NUMB: variants seen among roughly 807,000 people sequenced by gnomAD.
NUMB encodes the protein NUMB endocytic adaptor protein.
In NUMB, 29 loss-of-function variants were observed where a neutral mutation model predicts 59.7. That is an observed-to-expected ratio of 0.49 (90% CI 0.36 to 0.66). The LOEUF (loss-of-function observed/expected upper bound fraction) is 0.66, where lower values mean the gene tolerates loss of function less well. Among genes scored for constraint, NUMB ranks in the 30% least tolerant of loss-of-function variants. The pLI, the probability that NUMB is intolerant of heterozygous loss-of-function variation, is 0.00. For missense variants in NUMB, 723 were observed against 822.0 expected, an observed-to-expected ratio of 0.88 and a Z score of 1.47; for synonymous variants, 288 against 288.2, an observed-to-expected ratio of 1.00 and a Z score of 0.01.
chr14:73,372,741 C>A (rs756054131), intron 2 of NUMB, among the ~76,000 whole-genome samples: 4 of 151,970 alleles, frequency 2.6e-5, no homozygotes, highest in Non-Finnish European at 5.9e-5. Context: ...AGCCTAGAAA[C>A]TAGGATTCAC....
At chr14:73,388,355 A>G (rs1032749628) in intron 2 of NUMB, among the ~76,000 whole-genome samples, 1 of 152,216 alleles carries the variant, frequency 6.6e-6, no homozygotes, top group Non-Finnish European at 1.5e-5. Flanking sequence ...AAAATTCTGG[A>G]AAACCTTTCC....
chr14:73,279,362 C>G lies in NUMB; in HGVS notation c.1159G>C (p.Val387Leu). Reference protein sequence around the residue: ...AKPAHTALAPVAMPVRETNPW... With the variant: ...AKPAHTALAPLAMPVRETNPW... Reference sequence around the variant, plus strand: ...TTGGTTTCACGCACAGGCATTGCTACGGGTGCTAGAGCAGTATGGGCTGGC... The same window carrying G: ...TTGGTTTCACGCACAGGCATTGCTAGGGGTGCTAGAGCAGTATGGGCTGGC... The change falls in exon 12 of 13, where the codon GTA becomes CTA. Residue 387 changes from valine (V) to leucine (L), a missense_variant. Val to Leu is a conservative substitution (Grantham distance 32). Coordinates refer to ENST00000555238, the MANE Select transcript of NUMB (RefSeq NM_001005743.2). 1 of 1,612,650 alleles carries G rather than the reference C, an allele frequency of 6.2e-7. No individual in the cohort carries two copies. Among genetic ancestry groups the G allele is most frequent in the Non-Finnish European group, 8.5e-7 (1 of 1,179,250 alleles).
At position 73,346,278 on chromosome 14, in the gene NUMB, G is replaced by A. The variant is rs191567573; in HGVS notation, c.126+9348C>T. Among the ~76,000 whole-genome samples the A allele has an allele frequency of 1.5e-3, 227 of 152,116 alleles. 1 individual carries two copies. Among genetic ancestry groups the A allele is most frequent in the South Asian group, 0.011 (52 of 4,822 alleles). On this transcript the variant is annotated intron_variant, in intron 4 of 12. Coordinates refer to ENST00000555238, the MANE Select transcript of NUMB (RefSeq NM_001005743.2). ...GCGGATCACCTGAGGTCGGGAGTTC[G>A]AGACCAGCTTGACCAACATGGAGAA...
In NUMB at chr14:73,343,962, G is replaced by T. The variant is rs527921933; in HGVS notation, c.126+11664C>A. 2.6e-5 allele frequency among the ~76,000 whole-genome samples: 4 copies of T among 151,992 alleles called. No homozygotes were observed. The East Asian group carries it at 7.7e-4, about 29-fold the overall frequency. The stretch of plus-strand genomic sequence containing the variant: ...CCTGGTGCCTATGTTAGGGGTTGGG[G>T]GTTGCCTAAGTTGGGGATAGAAGAT... On this transcript the variant is annotated intron_variant, in intron 4 of 12. Transcript: ENST00000555238.
intron 4 of NUMB, among the ~76,000 whole-genome samples, chr14:73,333,071 T>C (rs1445324291): frequency 6.6e-6 from 1 of 152,240 alleles, no homozygotes; most frequent in Non-Finnish European, 1.5e-5. Context: ...TTGAAGTACC[T>C]GTTTTCAATT....
intron 11 of NUMB, among the ~76,000 whole-genome samples, chr14:73,280,301 C>T (rs1206476191): frequency 6.6e-6 from 1 of 152,028 alleles, no homozygotes; most frequent in Non-Finnish European, 1.5e-5. Context: ...TGGTATTATC[C>T]CCCTATTACA....
intron 2 of NUMB, among the ~76,000 whole-genome samples, chr14:73,401,716 C>G (rs1896427385): frequency 6.6e-6 from 1 of 151,644 alleles, no homozygotes; most frequent in Non-Finnish European, 1.5e-5. Context: ...ACCACAGGTG[C>G]CTGCCACCAC....
intron 11 of NUMB, among the ~76,000 whole-genome samples, chr14:73,279,648 A>C (rs2139795826): frequency 6.6e-6 from 1 of 152,356 alleles, no homozygotes; most frequent in Non-Finnish European, 1.5e-5. Context: ...GATAAAGTCA[A>C]ATAACTGTTC....
At chr14:73,374,449 A>G (rs542279789) in intron 2 of NUMB, among the ~76,000 whole-genome samples, 1 of 152,340 alleles carries the variant, frequency 6.6e-6, no homozygotes, top group Non-Finnish European at 1.5e-5. Flanking sequence ...AAAGAAAGAC[A>G]TAAAATATTT....
rs537476706 is a variant in NUMB at position 73,380,643 on chromosome 14, C to A, written c.-100-13662G>T. On this transcript the variant is annotated intron_variant, in intron 2 of 12. Coordinates refer to ENST00000555238, the MANE Select transcript of NUMB (RefSeq NM_001005743.2). Reference sequence around the variant, plus strand: ...GCCATGATCCCATAGATCTTAGGTACCCTGAAAGTAGAATTTGTGTTTTAT... The same window carrying A: ...GCCATGATCCCATAGATCTTAGGTAACCTGAAAGTAGAATTTGTGTTTTAT... 5.3e-5 allele frequency among the ~76,000 whole-genome samples: 8 copies of A among 151,898 alleles called. No homozygotes were observed. The South Asian group carries it at 1.0e-3, about 20-fold the overall frequency.
intron 3 of NUMB, among the ~76,000 whole-genome samples, chr14:73,359,312 C>T (rs1177359227): frequency 1.3e-5 from 2 of 152,172 alleles, no homozygotes; most frequent in Admixed American, 6.6e-5. Context: ...TGCCACTGCA[C>T]TCCAGCCTGG....
At chr14:73,398,392 C>CAGAGAGAGAGAGAGAG (rs1171734636) in intron 2 of NUMB, among the ~76,000 whole-genome samples, 1 of 133,754 alleles carries the variant, frequency 7.5e-6, no homozygotes, top group African/African-American at 2.9e-5. Flanking sequence ...GAGACACACA[C>CAGAGAGAGAGAGAGAG]AGAGAGAGAG....
intron 4 of NUMB, among the ~76,000 whole-genome samples, chr14:73,342,494 T>C (rs903635282): frequency 2.6e-5 from 4 of 152,162 alleles, no homozygotes; most frequent in African/African-American, 9.7e-5. Flanking sequence ...CTATCTGGGA[T>C]AAACAACAGA....
rs1338976148 is a variant in NUMB at position 73,279,331 on chromosome 14, C to T, written c.1190G>A (p.Trp397Ter). 1 of 1,613,996 alleles carries T rather than the reference C, an allele frequency of 6.2e-7. No individual in the cohort carries two copies. The highest frequency in any genetic ancestry group is 2.2e-5 in the East Asian group (1 of 44,876). Residue 397 changes from tryptophan (W) to a stop codon, truncating the protein, a stop_gained, in exon 12 of 13, where the codon TGG becomes TAG. Coordinates refer to ENST00000555238, the MANE Select transcript of NUMB (RefSeq NM_001005743.2). LOFTEE classifies it high-confidence loss of function. Reference protein sequence around the residue: ...VAMPVRETNPWAHAPDAANKE... With the variant: ...VAMPVRETNP ...GTTAGCAGCATCAGGGGCATGGGCCCAAGGGTTGGTTTCACGCACAGGCAT... is the reference window on the plus strand; with the variant it reads ...GTTAGCAGCATCAGGGGCATGGGCCTAAGGGTTGGTTTCACGCACAGGCAT...
intron 2 of NUMB, among the ~76,000 whole-genome samples, chr14:73,401,440 A>G (rs1397486548): frequency 6.6e-6 from 1 of 152,192 alleles, no homozygotes; most frequent in East Asian, 1.9e-4. Context: ...TCATGAACCA[A>G]TAATGACTAA....
chr14:73,355,623 T>TA lies in NUMB; in HGVS notation c.126+2dup, dbSNP rs1566758441. On this transcript the variant is annotated splice_region_variant and intron_variant, in intron 4 of 12. Coordinates refer to ENST00000555238, the MANE Select transcript of NUMB (RefSeq NM_001005743.2). ...ACAGACTTATAGAAACATCAGCTCT[T>TA]ACCTTAACCGGGAAGCTACATTTTC... 6.2e-7 allele frequency: 1 copy of TA among 1,612,296 alleles called. No homozygotes were observed. The highest frequency in any genetic ancestry group is 1.7e-5 in the Admixed American group (1 of 59,582).
At chr14:73,434,720 GA>G (rs140956201) in intron 1 of NUMB, among the ~76,000 whole-genome samples, 5 of 147,176 alleles carry the variant, frequency 3.4e-5, no homozygotes, top group Non-Finnish European at 6.0e-5. Flanking sequence ...TTTTGTAATA[GA>G]AAAAAAAAAT....
intron 2 of NUMB, among the ~76,000 whole-genome samples, chr14:73,392,875 C>CT (rs1895919191): frequency 6.6e-6 from 1 of 151,800 alleles, no homozygotes; most frequent in Non-Finnish European, 1.5e-5. Flanking sequence ...TTAACCTGGT[C>CT]CACACATGAG....
At chr14:73,339,313 T>C (rs1892510502) in intron 4 of NUMB, among the ~76,000 whole-genome samples, 1 of 152,146 alleles carries the variant, frequency 6.6e-6, no homozygotes. Context: ...TGGTATCCTG[T>C]TACTTATCTA....
Sources: allele counts gnomAD v4.1 joint callset (sites outside exome capture counted in the v4.1 genomes callset), GRCh38; gene constraint gnomAD v4.1.1; transcripts MANE v1.5; gene names NCBI Gene and HGNC (gene_info 2026-07-23, HGNC 2026-07-21).